The following SCRT2 variants were observed in gnomAD, a reference collection of about 807,000 sequenced individuals.
SCRT2 encodes scratch family transcriptional repressor 2.
Under a neutral mutation model 3.7 loss-of-function variants are expected in SCRT2, and 2 were observed. That is an observed-to-expected ratio of 0.54 (90% confidence interval 0.22 to 1.70). The LOEUF is 1.70. SCRT2 is among the 40% of genes most tolerant of loss of function. SCRT2 has a pLI of 0.19. For synonymous variants in SCRT2, 256 were observed against 220.6 expected (o/e 1.16, Z -1.42); for missense variants, 456 against 468.5 (o/e 0.97, Z 0.25).
Position 665,116 on chromosome 20 carries a change from T to C in SCRT2, c.134-655A>G, listed in dbSNP as rs867714992. Among the ~76,000 whole-genome samples the C allele has an allele frequency of 6.6e-6, 1 of 152,204 alleles. No homozygotes were observed. Among genetic ancestry groups the C allele is most frequent in the South Asian group, 2.1e-4 (1 of 4,828 alleles). On this transcript the variant is annotated intron_variant, in intron 1 of 1. Transcript: ENST00000246104. This position sits in a 1 kb window ranked among gnomAD's most constrained non-coding sequence, Gnocchi z 5.0. The stretch of plus-strand genomic sequence containing the variant: ...GCACTATTGTAATCCCCATTTGATG[T>C]GTAAGGAAATGAACAAAGGTGGGGG...
In SCRT2 at chr20:664,371, G is replaced by GA. The variant is rs775868713; in HGVS notation, c.223_224insT (p.Pro75LeufsTer315). 1 of 1,441,486 alleles carries GA rather than the reference G, an allele frequency of 6.9e-7. No individual in the cohort carries two copies. The allele number at this position is 1,441,486 out of a possible 1,614,324, so 89.3% of individuals were successfully genotyped here. A position where few individuals can be genotyped will look rare whatever the true frequency, so the allele number is the denominator to read the frequency against. On this transcript the variant is annotated frameshift_variant, in exon 2 of 2. Transcript: ENST00000246104. LOFTEE classifies it low-confidence loss of function (END_TRUNC). This position sits in a 1 kb window ranked among gnomAD's most constrained non-coding sequence, Gnocchi z 7.9. ...GTCGCTGTACTCCTCCGGCGCCGCCGGCGGGTACGCGGGCTCGGCCGGGGC... is the reference window on the plus strand; with the variant it reads ...GTCGCTGTACTCCTCCGGCGCCGCCGAGCGGGTACGCGGGCTCGGCCGGGGC...
Position 666,674 on chromosome 20 carries a change from C to T in SCRT2, c.134-2213G>A, listed in dbSNP as rs577400065. Reference sequence around the variant, plus strand: ...AGGGGGCTGTGGCTGAGCTGTTCACCTCCCATTCCCAGGGCCCTAGCTAGT... The same window carrying T: ...AGGGGGCTGTGGCTGAGCTGTTCACTTCCCATTCCCAGGGCCCTAGCTAGT... On this transcript the variant is annotated intron_variant, in intron 1 of 1. Coordinates refer to ENST00000246104, the MANE Select transcript of SCRT2 (RefSeq NM_033129.4). The surrounding 1 kb of genome is among the most constrained non-coding windows in gnomAD (Gnocchi z 4.4). 6.6e-6 allele frequency among the ~76,000 whole-genome samples: 1 copy of T among 152,354 alleles called. No individual in the cohort carries two copies. The highest frequency in any genetic ancestry group is 2.1e-4 in the South Asian group (1 of 4,832).
intron 1 of SCRT2, among the ~76,000 whole-genome samples, chr20:674,660 T>C (rs1218207051): frequency 6.6e-6 from 1 of 151,540 alleles, no homozygotes; most frequent in Non-Finnish European, 1.5e-5. Flanking sequence ...CCCTTGTCCC[T>C]GCAGGAACTT....
chr20:668,282 C>T (rs932169955), intron 1 of SCRT2, among the ~76,000 whole-genome samples: 1 of 152,150 alleles, frequency 6.6e-6, no homozygotes, highest in African/African-American at 2.4e-5. Flanking sequence ...ACCACCTCAC[C>T]TCTCTGAGCC....
intron 1 of SCRT2, among the ~76,000 whole-genome samples, chr20:674,129 T>C (rs1022981686): frequency 4.6e-5 from 7 of 152,118 alleles, no homozygotes; most frequent in African/African-American, 1.7e-4. Flanking sequence ...GCTGTAGCTG[T>C]ATCCCTGATC....
rs1984184082 is a variant in SCRT2 at position 667,270 on chromosome 20, A to C, written c.134-2809T>G. On this transcript the variant is annotated intron_variant, in intron 1 of 1. Coordinates refer to ENST00000246104, the MANE Select transcript of SCRT2 (RefSeq NM_033129.4). This position sits in a 1 kb window ranked among gnomAD's most constrained non-coding sequence, Gnocchi z 4.4. ...TACCCTTTTATAGAAGAGGAAACCAAGGCACAAGGAAGCTAAGTAACAAGC... is the reference window on the plus strand; with the variant it reads ...TACCCTTTTATAGAAGAGGAAACCACGGCACAAGGAAGCTAAGTAACAAGC... 6.6e-6 allele frequency among the ~76,000 whole-genome samples: 1 copy of C among 152,244 alleles called. No homozygotes were observed. The highest frequency in any genetic ancestry group is 1.5e-5 in the Non-Finnish European group (1 of 68,030).
At position 675,611 on chromosome 20, in the gene SCRT2, G is replaced by C. The variant is rs748208507; in HGVS notation, c.-10C>G. On this transcript the variant is annotated 5_prime_UTR_variant, in exon 1 of 2. Transcript: ENST00000246104. This position sits in a 1 kb window ranked among gnomAD's most constrained non-coding sequence, Gnocchi z 6.9. ...GGAAGGAGCGCGGCATGGCGCGGCC[G>C]GCGCGGGGCTCGGTGCGGGGAGGCG... 367 of 1,287,502 alleles carry C rather than the reference G, an allele frequency of 2.9e-4. No homozygotes were observed. Among genetic ancestry groups the C allele is most frequent in the Non-Finnish European group, 3.5e-4 (357 of 1,011,174 alleles). 79.8% of individuals were successfully genotyped at this position (1,287,502 alleles called of 1,614,324 possible).
chr20:663,559 G>T lies in SCRT2; in HGVS notation c.*112C>A. ...GGCCGGGCCGGGGGTCCCCACGAGA[G>T]GGTCATGGGCAGGGAAACGCAGCCG... On this transcript the variant is annotated 3_prime_UTR_variant, in exon 2 of 2. Coordinates refer to ENST00000246104, the MANE Select transcript of SCRT2 (RefSeq NM_033129.4). This position sits in a 1 kb window ranked among gnomAD's most constrained non-coding sequence, Gnocchi z 6.9. 1 of 1,044,218 alleles carries T rather than the reference G, an allele frequency of 9.6e-7. No individual in the cohort carries two copies. Among genetic ancestry groups the T allele is most frequent in the Non-Finnish European group, 1.2e-6 (1 of 807,730 alleles). 64.7% of individuals were successfully genotyped at this position (1,044,218 alleles called of 1,614,324 possible).
At chr20:671,086 G>A (rs1419986528) in intron 1 of SCRT2, among the ~76,000 whole-genome samples, 4 of 152,180 alleles carry the variant, frequency 2.6e-5, no homozygotes, top group Non-Finnish European at 4.4e-5. Flanking sequence ...CCTTGAGAGC[G>A]GATCTGGACA....
rs1019526257 is a variant in SCRT2, at chr20:661,856, G to C, written c.*1815C>G. The C allele has an allele frequency of 1.3e-5, 2 of 152,754 alleles. No homozygotes were observed. Among genetic ancestry groups the C allele is most frequent in the African/African-American group, 4.8e-5 (2 of 41,456 alleles). 9.5% of individuals were successfully genotyped at this position (152,754 alleles called of 1,614,324 possible). The stretch of plus-strand genomic sequence containing the variant: ...CATCCCTGCAGCCTCCCTTCCCGCT[G>C]GGCCTGGAGCTGAGCAAAGGCCCAT... On this transcript the variant is annotated 3_prime_UTR_variant, in exon 2 of 2. Coordinates refer to ENST00000246104, the MANE Select transcript of SCRT2 (RefSeq NM_033129.4).
chr20:672,932 C>T (rs1381074736), intron 1 of SCRT2, among the ~76,000 whole-genome samples: 2 of 152,058 alleles, frequency 1.3e-5, no homozygotes, highest in East Asian at 1.9e-4. Context: ...CACCAGGAGC[C>T]GGCGGGCTCT....
rs1214393669 is a variant in SCRT2, at chr20:664,639, T to TC, written c.134-179dup. Among the ~76,000 whole-genome samples the TC allele has an allele frequency of 6.6e-6, 1 of 152,148 alleles. No homozygotes were observed. Among genetic ancestry groups the TC allele is most frequent in the Non-Finnish European group, 1.5e-5 (1 of 68,008 alleles). ...AGGCAGCCTGGGTTCAATTCCTTCCTCCATCGACGGCAGTGCAAATAGCCG... is the reference window on the plus strand; with the variant it reads ...AGGCAGCCTGGGTTCAATTCCTTCCTCCCATCGACGGCAGTGCAAATAGCCG... On this transcript the variant is annotated intron_variant, in intron 1 of 1. Coordinates refer to ENST00000246104, the MANE Select transcript of SCRT2 (RefSeq NM_033129.4). This position sits in a 1 kb window ranked among gnomAD's most constrained non-coding sequence, Gnocchi z 7.9.
chr20:664,534 C>T lies in SCRT2; in HGVS notation c.134-73G>A. 9.1e-7 allele frequency: 1 copy of T among 1,096,960 alleles called. No homozygotes were observed. The highest frequency in any genetic ancestry group is 1.2e-6 in the Non-Finnish European group (1 of 863,476). The allele number at this position is 1,096,960 out of a possible 1,614,324, so 68.0% of individuals were successfully genotyped here. On this transcript the variant is annotated intron_variant, in intron 1 of 1. Coordinates refer to ENST00000246104, the MANE Select transcript of SCRT2 (RefSeq NM_033129.4). The surrounding 1 kb of genome is among the most constrained non-coding windows in gnomAD (Gnocchi z 7.9). ...GGGTTTCCCGCTTTGAGCGCGTCAC[C>T]CTTTGCGCCTTCCAGCTTGGCGCCC...
In SCRT2 at chr20:662,941, C is replaced by CTGGGAGTGGG. The variant is rs2063716522; in HGVS notation, c.*720_*729dup. On this transcript the variant is annotated 3_prime_UTR_variant, in exon 2 of 2. Coordinates refer to ENST00000246104, the MANE Select transcript of SCRT2 (RefSeq NM_033129.4). ...GAGGTGAGGGCAGCTGGAGCTGGGG[C>CTGGGAGTGGG]TGGGAGTGGGTGATGAGATCCCCAT... 1 of 152,828 alleles carries CTGGGAGTGGG rather than the reference C, an allele frequency of 6.5e-6. No homozygotes were observed. The highest frequency in any genetic ancestry group is 2.1e-4 in the South Asian group (1 of 4,840). 9.5% of individuals were successfully genotyped at this position (152,828 alleles called of 1,614,324 possible).
intron 1 of SCRT2, among the ~76,000 whole-genome samples, chr20:674,055 G>C (rs1334898560): frequency 6.6e-6 from 1 of 152,172 alleles, no homozygotes; most frequent in East Asian, 1.9e-4. Context: ...AGTAGAATAA[G>C]GGACATGTGG....
rs1984083672 is a variant in SCRT2 at position 664,384 on chromosome 20, G to T, written c.211C>A (p.Pro71Thr). The change falls in exon 2 of 2, where the codon CCC becomes ACC. Residue 71 changes from proline (P) to threonine (T), a missense_variant. Around this residue, in one of 3 missense-constraint regions of SCRT2, gnomAD observed 306 missense variants for 305.3 expected, o/e 1.00. Transcript: ENST00000246104. The surrounding 1 kb of genome is among the most constrained non-coding windows in gnomAD (Gnocchi z 7.9). Reference protein sequence around the residue: ...KPGLELAPAEPAYPPAAPEEY... With the variant: ...KPGLELAPAETAYPPAAPEEY... ...TCCGGCGCCGCCGGCGGGTACGCGG[G>T]CTCGGCCGGGGCCAGCTCCAGGCCC... 1 of 1,418,940 alleles carries T rather than the reference G, an allele frequency of 7.0e-7. No individual in the cohort carries two copies. The allele number at this position is 1,418,940 out of a possible 1,614,324, so 87.9% of individuals were successfully genotyped here.
At chr20:672,064 G>A (rs377217121) in intron 1 of SCRT2, among the ~76,000 whole-genome samples, 29 of 152,288 alleles carry the variant, frequency 1.9e-4, no homozygotes, top group African/African-American at 6.7e-4. Flanking sequence ...GGTTAGCAGA[G>A]GGTTAGGATG....
chr20:673,640 G>A (rs1202274944), intron 1 of SCRT2, among the ~76,000 whole-genome samples: 1 of 152,168 alleles, frequency 6.6e-6, no homozygotes, highest in Non-Finnish European at 1.5e-5. Context: ...CTCTGCACCC[G>A]CCCTGCTTCC....
Position 664,527 on chromosome 20 carries a change from G to T in SCRT2, c.134-66C>A. The T allele has an allele frequency of 1.8e-6, 2 of 1,141,830 alleles. No individual in the cohort carries two copies. The highest frequency in any genetic ancestry group is 2.2e-6 in the Non-Finnish European group (2 of 903,058). 70.7% of individuals were successfully genotyped at this position (1,141,830 alleles called of 1,614,324 possible). ...CCGAAGAGGGTTTCCCGCTTTGAGC[G>T]CGTCACCCTTTGCGCCTTCCAGCTT... On this transcript the variant is annotated intron_variant, in intron 1 of 1. Transcript: ENST00000246104. This position sits in a 1 kb window ranked among gnomAD's most constrained non-coding sequence, Gnocchi z 7.9.
Sources: allele counts gnomAD v4.1 joint callset (sites outside exome capture counted in the v4.1 genomes callset), GRCh38; gene constraint gnomAD v4.1.1; regional missense constraint gnomAD v4.1.1; non-coding constraint Gnocchi (gnomAD v3.1); transcripts MANE v1.5; gene names NCBI Gene and HGNC (gene_info 2026-07-23, HGNC 2026-07-21).